Variants in TAB2 observed in about 807,000 individuals in gnomAD.
The protein encoded by TAB2 is TGF-beta activated kinase 1 (MAP3K7) binding protein 2, also known as TGF-beta-activated kinase 1 and MAP3K7-binding protein 2.
TAB2 carries 3 observed loss-of-function variants against 65.0 expected under a neutral mutation model. The observed-to-expected ratio is 0.05, with a 90% CI of 0.02 to 0.12. The LOEUF (loss-of-function observed/expected upper bound fraction) is 0.12. Ranked by LOEUF, TAB2 falls within the 10% of genes least tolerant of loss-of-function variation. The probability of loss-of-function intolerance (pLI) is 1.00; values close to 1 mark genes in which losing one functional copy is unlikely to be tolerated. For synonymous variants in TAB2, 298 were observed against 285.1 expected (o/e 1.05, Z -0.46); for missense variants, 623 against 840.3 (o/e 0.74, Z 3.20).
chr6:149,300,097 G>T (rs1451444050), intron 1 of TAB2, among the ~76,000 whole-genome samples: 2 of 151,988 alleles, frequency 1.3e-5, no homozygotes, highest in Non-Finnish European at 2.9e-5. Flanking sequence ...AAGAATTTTT[G>T]TCTCTATGTA....
At chr6:149,284,695 A>C (rs918204365) in intron 1 of TAB2, among the ~76,000 whole-genome samples, 15 of 139,932 alleles carry the variant, frequency 1.1e-4, no homozygotes, top group South Asian at 2.3e-4. Flanking sequence ...CACACACACA[A>C]GAATATAAAC....
chr6:149,248,171 C>T (rs547742300), intron 1 of TAB2, among the ~76,000 whole-genome samples: 2 of 152,232 alleles, frequency 1.3e-5, no homozygotes, highest in South Asian at 4.1e-4. Flanking sequence ...GTGAGTGGGT[C>T]ACCTGAGGTC....
intron 1 of TAB2, among the ~76,000 whole-genome samples, chr6:149,277,282 C>A (rs368230848): frequency 2.6e-5 from 4 of 152,126 alleles, no homozygotes; most frequent in Admixed American, 2.0e-4. Flanking sequence ...TTGAAAATGT[C>A]TATAAATGAA....
chr6:149,226,203 C>T (rs1562379258), intron 1 of TAB2, among the ~76,000 whole-genome samples: 1 of 152,150 alleles, frequency 6.6e-6, no homozygotes, highest in Non-Finnish European at 1.5e-5. Context: ...ATAGCTCGGG[C>T]ACCTGGATTT....
chr6:149,376,552 TGTC>T (rs904962202), intron 2 of TAB2, among the ~76,000 whole-genome samples: 2 of 152,246 alleles, frequency 1.3e-5, no homozygotes, highest in African/African-American at 4.8e-5. Context: ...TTGTTGTTGT[TGTC>T]GTTGTTGTTG....
chr6:149,281,580 A>AAAAAC (rs1778576094), intron 1 of TAB2, among the ~76,000 whole-genome samples: 2 of 146,474 alleles, frequency 1.4e-5, no homozygotes, highest in Non-Finnish European at 1.5e-5. Context: ...AAAAAAAAAA[A>AAAAAC]ACTTGATTAA....
At chr6:149,368,498 G>A (rs1435609528) in intron 1 of TAB2, among the ~76,000 whole-genome samples, 1 of 152,118 alleles carries the variant, frequency 6.6e-6, no homozygotes, top group Non-Finnish European at 1.5e-5. Context: ...TGAGCTGATA[G>A]AGAGGAGTCA....
In TAB2 at chr6:149,378,226, C is replaced by A. The variant is rs559771770; in HGVS notation, c.311C>A (p.Thr104Lys). 4 of 1,613,936 alleles carry A rather than the reference C, an allele frequency of 2.5e-6. No homozygotes were observed. Among genetic ancestry groups the A allele is most frequent in the Non-Finnish European group, 3.4e-6 (4 of 1,179,784 alleles). The change falls in exon 3 of 7, where the codon ACG becomes AAG. Residue 104 changes from threonine to lysine, a missense_variant. Physicochemically the swap from Thr to Lys is moderately conservative, Grantham distance 78. Coordinates refer to ENST00000637181, the MANE Select transcript of TAB2 (RefSeq NM_001292034.3). ...GSRMNGSRTL[T>K]HSISDGQLQG... The stretch of plus-strand genomic sequence containing the variant: ...AGGATGAATGGAAGTAGGACTCTAA[C>A]GCACAGCATTAGTGATGGACAACTT...
At chr6:149,320,672 A>ATT (rs5880832) in intron 1 of TAB2, among the ~76,000 whole-genome samples, 19 of 151,384 alleles carry the variant, frequency 1.3e-4, no homozygotes, top group African/African-American at 1.7e-4. Context: ...CTAAAACAGC[A>ATT]TTTTTTTTTG....
At chr6:149,318,991 T>A (rs1470563707) in intron 1 of TAB2, among the ~76,000 whole-genome samples, 2 of 152,222 alleles carry the variant, frequency 1.3e-5, no homozygotes, top group Non-Finnish European at 2.9e-5. Context: ...CAGTGCAGGC[T>A]GTTGAGTACC....
chr6:149,317,026 C>T (rs1779271537), upstream of TAB2, among the ~76,000 whole-genome samples: 1 of 150,622 alleles, frequency 6.6e-6, no homozygotes, highest in South Asian at 2.1e-4. The surrounding 1 kb of genome is among the most constrained non-coding windows in gnomAD (Gnocchi z 4.7). Flanking sequence ...TCTCGGCCGC[C>T]GCAGCGCCCC....
In TAB2 at chr6:149,368,042, A is replaced by T. The variant is rs146020423; in HGVS notation, c.-89-1867A>T. ...ATTTAAAGCAATATATTTGAATGAAATTACCTTGAAGATGAATGTAGATAT... is the reference window on the plus strand; with the variant it reads ...ATTTAAAGCAATATATTTGAATGAATTTACCTTGAAGATGAATGTAGATAT... On this transcript the variant is annotated intron_variant, in intron 1 of 6. Coordinates refer to ENST00000637181, the MANE Select transcript of TAB2 (RefSeq NM_001292034.3). 3.5e-3 allele frequency among the ~76,000 whole-genome samples: 530 copies of T among 152,294 alleles called. 3 individuals are homozygous for T. Among genetic ancestry groups the T allele is most frequent in the Admixed American group, 6.0e-3 (91 of 15,290 alleles).
intron 1 of TAB2, among the ~76,000 whole-genome samples, chr6:149,274,704 T>G (rs907488253): frequency 1.3e-5 from 2 of 151,914 alleles, no homozygotes; most frequent in African/African-American, 2.4e-5. Context: ...AAGATCAGAG[T>G]TCCAGACAAA....
chr6:149,325,005 C>T (rs1779558969), intron 1 of TAB2, among the ~76,000 whole-genome samples: 1 of 151,976 alleles, frequency 6.6e-6, no homozygotes, highest in African/African-American at 2.4e-5. Flanking sequence ...CCCTTTGTTG[C>T]CCAGGCTAGG....
intron 1 of TAB2, among the ~76,000 whole-genome samples, chr6:149,336,859 T>C (rs1044655197): frequency 6.6e-6 from 1 of 152,030 alleles, no homozygotes; most frequent in Admixed American, 6.6e-5. Context: ...AATAGAGTAG[T>C]TTTAATCTGC....
At chr6:149,366,491 G>A (rs1781043883) in intron 1 of TAB2, among the ~76,000 whole-genome samples, 1 of 152,094 alleles carries the variant, frequency 6.6e-6, no homozygotes, top group Non-Finnish European at 1.5e-5. Flanking sequence ...GGTTCATCAA[G>A]CAAGTAAGAC....
chr6:149,283,817 C>T (rs1283918068), intron 1 of TAB2, among the ~76,000 whole-genome samples: 1 of 152,042 alleles, frequency 6.6e-6, no homozygotes, highest in African/African-American at 2.4e-5. Flanking sequence ...GTAGGGGACT[C>T]TGGTTTATAA....
At position 149,354,992 on chromosome 6, in the gene TAB2, T is replaced by C. The variant is rs147475022; in HGVS notation, c.-89-14917T>C. Among the ~76,000 whole-genome samples, 114 of 152,314 alleles carry C rather than the reference T, an allele frequency of 7.5e-4. 2 individuals carry two copies. In the East Asian group the frequency reaches 0.021, roughly 28 times the overall value. On this transcript the variant is annotated intron_variant, in intron 1 of 6. Transcript: ENST00000637181. ...TCAAAAAATAAATGCAGTTTTAATT[T>C]TGATACAGATTGCCAAATTGACATC...
At chr6:149,255,972 C>A (rs910140375) in intron 1 of TAB2, among the ~76,000 whole-genome samples, 4 of 152,166 alleles carry the variant, frequency 2.6e-5, no homozygotes, top group African/African-American at 7.2e-5. Flanking sequence ...TGTCATGAGA[C>A]CCAGTTCTCT....
Sources: allele counts gnomAD v4.1 joint callset (sites outside exome capture counted in the v4.1 genomes callset), GRCh38; gene constraint gnomAD v4.1.1; non-coding constraint Gnocchi (gnomAD v3.1); transcripts MANE v1.5; gene names NCBI Gene and HGNC (gene_info 2026-07-23, HGNC 2026-07-21).